The following KCNH1 variants were observed in gnomAD, a reference collection of about 807,000 sequenced individuals.
KCNH1 encodes voltage-gated delayed rectifier potassium channel KCNH1.
In KCNH1, 27 loss-of-function variants were observed where a neutral mutation model predicts 69.2. That is an observed-to-expected ratio of 0.39 (90% CI 0.29 to 0.54). The LOEUF is 0.54. Ranked by LOEUF, KCNH1 falls within the 20% of genes least tolerant of loss-of-function variation. KCNH1 has a pLI of 0.68. For synonymous variants in KCNH1, 456 were observed against 487.7 expected (o/e 0.93, Z 0.86); for missense variants, 798 against 1,261.6 (o/e 0.63, Z 5.57).
intron 7 of KCNH1, among the ~76,000 whole-genome samples, chr1:210,889,377 A>G (rs76676358): frequency 6.6e-6 from 1 of 152,226 alleles, no homozygotes; most frequent in Admixed American, 6.5e-5. Context: ...AAAACTCTCA[A>G]TAAACTAGGT....
chr1:210,979,533 T>C (rs1447211146), intron 6 of KCNH1, among the ~76,000 whole-genome samples: 1 of 152,210 alleles, frequency 6.6e-6, no homozygotes, highest in African/African-American at 2.4e-5. Flanking sequence ...ATTGAGTGAA[T>C]TTTCCATTCT....
chr1:210,957,739 A>G (rs2358117), intron 6 of KCNH1, among the ~76,000 whole-genome samples: 106,195 of 151,994 alleles, frequency 0.7, 37,986 homozygotes, highest in African/African-American at 0.85. Context: ...ATTGCAACCC[A>G]TGCTTTTTTT....
chr1:210,683,886 T>C lies in KCNH1; in HGVS notation c.2365A>G (p.Thr789Ala), dbSNP rs750271907. 1.2e-6 allele frequency: 2 copies of C among 1,614,002 alleles called. No homozygotes were observed. The highest frequency in any genetic ancestry group is 1.6e-4 in the Middle Eastern group (1 of 6,062). Residue 789 changes from threonine to alanine, a missense_variant, in exon 11 of 11, where the codon ACC becomes GCC. Around this residue, in one of 4 missense-constraint regions of KCNH1, gnomAD observed 331 missense variants for 363.2 expected, o/e 0.91. Transcript: ENST00000271751. The surrounding 1 kb of genome is among the most constrained non-coding windows in gnomAD (Gnocchi z 5.7). ...NHSLVKASVV[T>A]VRESPATPVS... ...GGCGTGGCAGGACTCTCACGCACGG[T>C]GACCACGCTGGCCTTCACGAGGCTG...
chr1:211,054,663 C>T (rs1336476794), intron 5 of KCNH1, among the ~76,000 whole-genome samples: 2 of 152,192 alleles, frequency 1.3e-5, no homozygotes, highest in Middle Eastern at 3.4e-3. Context: ...ACTCTAAATA[C>T]TGAGGTCCTT....
intron 7 of KCNH1, among the ~76,000 whole-genome samples, chr1:210,827,461 G>A (rs1685056728): frequency 6.6e-6 from 1 of 152,084 alleles, no homozygotes; most frequent in African/African-American, 2.4e-5. Context: ...CAAGAACCTA[G>A]GCTGAGAATT....
At chr1:210,730,591 C>A (rs1682722822) in intron 10 of KCNH1, among the ~76,000 whole-genome samples, 1 of 151,784 alleles carries the variant, frequency 6.6e-6, no homozygotes, top group African/African-American at 2.4e-5. Flanking sequence ...TCCAGCTTTT[C>A]CCCATGTAAC....
At chr1:211,090,399 C>T (rs984477328) in intron 4 of KCNH1, among the ~76,000 whole-genome samples, 163 bp downstream of exon 4, 11 of 152,120 alleles carry the variant, frequency 7.2e-5, no homozygotes, top group African/African-American at 1.9e-4. Flanking sequence ...TCTCCTACCC[C>T]GATACACTCC....
chr1:210,992,208 TA>T (rs1290737486), intron 6 of KCNH1, among the ~76,000 whole-genome samples: 1 of 152,188 alleles, frequency 6.6e-6, no homozygotes, highest in Non-Finnish European at 1.5e-5. Context: ...ATTCAGAGGA[TA>T]ACCAATATCT....
intron 6 of KCNH1, among the ~76,000 whole-genome samples, chr1:211,005,394 A>C (rs1438559683): frequency 6.6e-6 from 1 of 152,182 alleles, no homozygotes; most frequent in Non-Finnish European, 1.5e-5. Context: ...ACACAATGTG[A>C]TATTGGTGCG....
chr1:210,752,489 G>C (rs1328330585), intron 10 of KCNH1, among the ~76,000 whole-genome samples: 4 of 152,224 alleles, frequency 2.6e-5, no homozygotes, highest in Non-Finnish European at 5.9e-5. Context: ...TACTCTGAGA[G>C]TCAAAGGAAC....
intron 7 of KCNH1, among the ~76,000 whole-genome samples, chr1:210,913,592 G>A (rs1441435570): frequency 6.6e-6 from 1 of 152,132 alleles, no homozygotes. Flanking sequence ...AAACCACAGA[G>A]CATATCTAAG....
intron 10 of KCNH1, among the ~76,000 whole-genome samples, chr1:210,717,380 C>A (rs537105630): frequency 7.2e-5 from 11 of 152,326 alleles, no homozygotes; most frequent in African/African-American, 2.6e-4. Context: ...CTCAGCATGG[C>A]CCCTGCTGCT....
At chr1:210,783,425 C>T (rs1257381968) in intron 9 of KCNH1, among the ~76,000 whole-genome samples, 1 of 152,174 alleles carries the variant, frequency 6.6e-6, no homozygotes, top group Admixed American at 6.5e-5. Context: ...ATTCTTTCCT[C>T]TTATGGTAAT....
At chr1:211,112,834 C>T (rs1273069245) in intron 1 of KCNH1, among the ~76,000 whole-genome samples, 1 of 152,174 alleles carries the variant, frequency 6.6e-6, no homozygotes, top group African/African-American at 2.4e-5. Context: ...ATTCTTCCCC[C>T]ATCCCTTCCC....
intron 5 of KCNH1, among the ~76,000 whole-genome samples, chr1:211,071,340 A>T (rs1690638875): frequency 6.6e-6 from 1 of 152,238 alleles, no homozygotes; most frequent in Non-Finnish European, 1.5e-5. Flanking sequence ...GATAAAAAAA[A>T]ACATGCTAGA....
At chr1:210,952,393 A>C (rs569888030) in intron 6 of KCNH1, among the ~76,000 whole-genome samples, 5 of 152,288 alleles carry the variant, frequency 3.3e-5, no homozygotes, top group Non-Finnish European at 5.9e-5. Context: ...TATCCAGCAG[A>C]GATTTATGGA....
intron 1 of KCNH1, among the ~76,000 whole-genome samples, chr1:211,109,368 G>A (rs937139626): frequency 1.3e-5 from 2 of 152,180 alleles, no homozygotes; most frequent in Non-Finnish European, 2.9e-5. Flanking sequence ...TTTTATCGTA[G>A]GGGCAGAATA....
Position 210,682,179 on chromosome 1 carries a change from T to C in KCNH1, c.*1102A>G, listed in dbSNP as rs755231399. The C allele has an allele frequency of 1.3e-5, 2 of 152,122 alleles. No individual in the cohort carries two copies. Among genetic ancestry groups the C allele is most frequent in the African/African-American group, 4.8e-5 (2 of 41,430 alleles). 9.4% of individuals were successfully genotyped at this position (152,122 alleles called of 1,614,324 possible). A position where few individuals can be genotyped will look rare whatever the true frequency, so the allele number is the denominator to read the frequency against. ...TCTCTTGAAATCCTACTGACTTTAA[T>C]AGGAAATAGAGAGACTGGCTTTAAA... On this transcript the variant is annotated 3_prime_UTR_variant, in exon 11 of 11. Transcript: ENST00000271751.
chr1:210,907,717 G>GA lies in KCNH1; in HGVS notation c.1462+11922dup, dbSNP rs571141921. Among the ~76,000 whole-genome samples, 94 of 152,156 alleles carry GA rather than the reference G, an allele frequency of 6.2e-4. 1 individual carries two copies. The highest frequency in any genetic ancestry group is 1.2e-3 in the Non-Finnish European group (81 of 67,996). Reference sequence around the variant, plus strand: ...AAGAAGTAACATTAGCACTTTGATGGAAAAAAAGATCCATCCCAGTGGGGG... The same window carrying GA: ...AAGAAGTAACATTAGCACTTTGATGGAAAAAAAAGATCCATCCCAGTGGGGG... On this transcript the variant is annotated intron_variant, in intron 7 of 10. Transcript: ENST00000271751.
Sources: allele counts gnomAD v4.1 joint callset (sites outside exome capture counted in the v4.1 genomes callset), GRCh38; gene constraint gnomAD v4.1.1; regional missense constraint gnomAD v4.1.1; non-coding constraint Gnocchi (gnomAD v3.1); transcripts MANE v1.5; gene names NCBI Gene and HGNC (gene_info 2026-07-23, HGNC 2026-07-21).